SFTPD: variants seen among roughly 807,000 people sequenced by gnomAD.
SFTPD encodes the protein surfactant protein D.
Under a neutral mutation model 34.6 loss-of-function variants are expected in SFTPD, and 18 were observed. The observed-to-expected ratio is 0.52, with a 90% CI of 0.36 to 0.77. The LOEUF is 0.77. SFTPD is among the 30% of genes least tolerant of loss of function. SFTPD has a pLI of 0.00. For synonymous variants in SFTPD, 155 were observed against 180.9 expected (o/e 0.86, Z 1.15); for missense variants, 433 against 468.9 (o/e 0.92, Z 0.71).
In SFTPD at chr10:79,959,204, A is replaced by ATC. The variant is rs1481547345; in HGVS notation, c.37-12543_37-12542insGA. On this transcript the variant is annotated intron_variant, in intron 1 of 5. Transcript: ENST00000444384. The stretch of plus-strand genomic sequence containing the variant: ...ACAAGAGAAAGCAGGAAAGATCCAA[A>ATC]ATTGACACCCTAACGTCACAATTAA... 4.2e-3 allele frequency among the ~76,000 whole-genome samples: 626 copies of ATC among 150,076 alleles called. 5 individuals are homozygous for ATC. The highest frequency in any genetic ancestry group is 0.015 in the African/African-American group (591 of 39,646).
chr10:79,940,363 G>T (rs1472149720), intron 7 of SFTPD, among the ~76,000 whole-genome samples: 1 of 152,222 alleles, frequency 6.6e-6, no homozygotes, highest in African/African-American at 2.4e-5. Context: ...ATTGAGGTTG[G>T]TGGGTAGTTC....
upstream of SFTPD, among the ~76,000 whole-genome samples, chr10:79,953,874 T>C (rs1361569470): frequency 6.6e-6 from 1 of 152,044 alleles, no homozygotes; most frequent in Admixed American, 6.6e-5. Flanking sequence ...GTTCCTCTGA[T>C]TGGATAATTT....
chr10:79,961,688 T>C (rs1015839093), intron 1 of SFTPD, among the ~76,000 whole-genome samples: 3 of 152,176 alleles, frequency 2.0e-5, no homozygotes, highest in Non-Finnish European at 4.4e-5. Context: ...ACTTTTACAC[T>C]GTTGGTGGGA....
At chr10:79,956,216 C>T (rs1252048115) in intron 1 of SFTPD, among the ~76,000 whole-genome samples, 1 of 152,236 alleles carries the variant, frequency 6.6e-6, no homozygotes, top group Non-Finnish European at 1.5e-5. Context: ...CTACAGCTCC[C>T]AGTGTGAGCG....
At chr10:79,946,684 G>A in intron 1 of SFTPD, 22 bp from the exon 2 acceptor site, 1 of 1,604,102 alleles carries the variant, frequency 6.2e-7, no homozygotes, top group Non-Finnish European at 8.5e-7. Context: ...AACAGAAAGA[G>A]AAAAGACATG....
intron 1 of SFTPD, among the ~76,000 whole-genome samples, 151 bp downstream of exon 1, chr10:79,948,915 T>A (rs1198591109): frequency 1.3e-5 from 2 of 152,078 alleles, no homozygotes; most frequent in Non-Finnish European, 2.9e-5. Flanking sequence ...CCATAAGACC[T>A]CCTGTGCTCC....
intron 5 of SFTPD, 117 bp downstream of exon 5, chr10:79,941,837 T>C: frequency 1.3e-6 from 1 of 744,186 alleles, no homozygotes; most frequent in East Asian, 2.4e-5. Flanking sequence ...ATTCTCTCCA[T>C]GTTCCAGCGA....
intron 1 of SFTPD, chr10:79,970,411 T>C (rs999250931): frequency 5.9e-5 from 9 of 152,168 alleles, no homozygotes; most frequent in Admixed American, 2.6e-4. Context: ...CTGTGAAGAA[T>C]AGCTCATATT....
intron 1 of SFTPD, among the ~76,000 whole-genome samples, chr10:79,957,178 A>T (rs1778721251): frequency 6.8e-6 from 1 of 147,166 alleles, no homozygotes; most frequent in African/African-American, 2.5e-5. Context: ...GACCAAAAGT[A>T]GATAAAACCA....
intron 1 of SFTPD, among the ~76,000 whole-genome samples, chr10:79,965,441 G>T (rs940979588): frequency 6.6e-6 from 1 of 150,390 alleles, no homozygotes; most frequent in Non-Finnish European, 1.5e-5. Context: ...CCCTAATCCC[G>T]CTCGAAGCAG....
At chr10:79,962,479 T>C (rs910981789) in intron 1 of SFTPD, among the ~76,000 whole-genome samples, 4 of 152,042 alleles carry the variant, frequency 2.6e-5, no homozygotes, top group East Asian at 1.9e-4. Flanking sequence ...ATGATGAAAA[T>C]CATGTAATGC....
At chr10:79,961,506 A>G (rs771912533) in intron 1 of SFTPD, among the ~76,000 whole-genome samples, 16 of 152,220 alleles carry the variant, frequency 1.1e-4, no homozygotes, top group Non-Finnish European at 2.2e-4. Flanking sequence ...CACTTCTCAA[A>G]AGAAGACATT....
upstream of SFTPD, among the ~76,000 whole-genome samples, chr10:79,952,675 G>C (rs975423847): frequency 1.3e-5 from 2 of 152,116 alleles, no homozygotes. Flanking sequence ...GTGGGTTCTG[G>C]GGAATGTTCA....
intron 4 of SFTPD, 112 bp downstream of exon 4, chr10:79,942,276 A>G: frequency 2.5e-6 from 2 of 791,716 alleles, no homozygotes; most frequent in South Asian, 3.2e-5. Context: ...AAGCCTTTGC[A>G]GCATCAAGGG....
chr10:79,980,838 C>T (rs867128724), intron 1 of SFTPD, among the ~76,000 whole-genome samples: 1 of 152,230 alleles, frequency 6.6e-6, no homozygotes, highest in Non-Finnish European at 1.5e-5. Context: ...CCTTTGAATA[C>T]TTGAAAAGCC....
chr10:79,963,804 G>C (rs753788149), intron 1 of SFTPD, among the ~76,000 whole-genome samples: 19 of 152,276 alleles, frequency 1.2e-4, no homozygotes, highest in Non-Finnish European at 1.9e-4. Context: ...CTCTAGGATA[G>C]TGGCCTCCAG....
intron 1 of SFTPD, among the ~76,000 whole-genome samples, chr10:79,962,076 A>G (rs1439558138): frequency 1.4e-5 from 2 of 141,800 alleles, no homozygotes; most frequent in African/African-American, 5.3e-5. Flanking sequence ...GTTCTCACTC[A>G]TAGGTGGGAA....
chr10:79,942,809 A>G lies in SFTPD; in HGVS notation c.270T>C (p.Asn90=), dbSNP rs1842627591. Residue 90 remains asparagine (N), a synonymous_variant, in exon 3 of 8, where the codon AAT becomes AAC. Coordinates refer to ENST00000372292, the MANE Select transcript of SFTPD (RefSeq NM_003019.5). ...TTGGTCCAGGTTCTCCAACAGAGCC[A>G]TTGTCCCCTTTGGGCCCAACTGGGC... The part of the protein sequence containing the change: ...QAGPVGPKGD[N]GSVGEPGPKG... 6.2e-7 allele frequency: 1 copy of G among 1,613,742 alleles called. No homozygotes were observed. Among genetic ancestry groups the G allele is most frequent in the African/African-American group, 1.3e-5 (1 of 74,858 alleles).
At chr10:79,966,499 G>T (rs1421008690) in intron 1 of SFTPD, among the ~76,000 whole-genome samples, 1 of 127,524 alleles carries the variant, frequency 7.8e-6, no homozygotes, top group Non-Finnish European at 1.6e-5. Flanking sequence ...TGTCAGATGA[G>T]TAGGTTGCGA....
Sources: gnomAD v4.1 joint callset for allele counts (sites outside exome capture counted in the v4.1 genomes callset) on GRCh38, gnomAD v4.1.1 for gene constraint, MANE v1.5 for transcripts, NCBI Gene and HGNC (gene_info 2026-07-23, HGNC 2026-07-21) for gene names.